The following NRP1 variants were observed in gnomAD, a reference collection of about 807,000 sequenced individuals.
NRP1 encodes the protein neuropilin 1.
Under a neutral mutation model 106.7 loss-of-function variants are expected in NRP1, and 35 were observed. The observed-to-expected ratio is 0.33, with a 90% CI of 0.25 to 0.43. NRP1 has a LOEUF of 0.43. NRP1 is among the 20% of genes least tolerant of loss of function. NRP1 has a pLI of 1.00. For missense variants in NRP1, 1,024 were observed against 1,170.4 expected, an observed-to-expected ratio of 0.87 and a Z score of 1.83; for synonymous variants, 437 against 417.9, an observed-to-expected ratio of 1.05 and a Z score of -0.56.
chr10:33,234,055 TC>T (rs1840370339), intron 6 of NRP1, among the ~76,000 whole-genome samples: 1 of 152,184 alleles, frequency 6.6e-6, no homozygotes, highest in Non-Finnish European at 1.5e-5. Flanking sequence ...GCTCCCTATC[TC>T]TTTCTGTGTT....
At chr10:33,230,376 G>C (rs1840013912) in intron 6 of NRP1, among the ~76,000 whole-genome samples, 1 of 152,200 alleles carries the variant, frequency 6.6e-6, no homozygotes, top group African/African-American at 2.4e-5. Context: ...ATTATTTCGA[G>C]TTGAAGGCAA....
intron 5 of NRP1, 88 bp downstream of exon 5, chr10:33,256,228 C>G (rs1588859096): frequency 7.4e-7 from 1 of 1,349,412 alleles, no homozygotes; most frequent in African/African-American, 1.4e-5. Context: ...CAAAACATTT[C>G]TTTAGTGCTT....
intron 2 of NRP1, among the ~76,000 whole-genome samples, chr10:33,295,232 A>G (rs1048206646): frequency 7.9e-5 from 12 of 152,308 alleles, no homozygotes; most frequent in Admixed American, 3.3e-4. Flanking sequence ...GTTCAAAAAT[A>G]AAACAGTGGT....
chr10:33,257,395 G>A (rs965020456), intron 4 of NRP1, among the ~76,000 whole-genome samples: 1 of 152,178 alleles, frequency 6.6e-6, no homozygotes, highest in Non-Finnish European at 1.5e-5. Context: ...CCAGCACTTT[G>A]GGAAGCTGAG....
chr10:33,282,207 T>G (rs1044040112), intron 2 of NRP1, among the ~76,000 whole-genome samples: 4 of 152,192 alleles, frequency 2.6e-5, no homozygotes, highest in African/African-American at 9.7e-5. Flanking sequence ...GCAGTTGGAT[T>G]AGTGCTATTA....
chr10:33,231,545 T>C (rs1471215601), intron 6 of NRP1, among the ~76,000 whole-genome samples: 1 of 152,206 alleles, frequency 6.6e-6, no homozygotes, highest in East Asian at 1.9e-4. Flanking sequence ...TTTTTCTACA[T>C]CATAATTTTT....
At chr10:33,331,294 G>A (rs530541009) in intron 1 of NRP1, among the ~76,000 whole-genome samples, 18 of 152,168 alleles carry the variant, frequency 1.2e-4, no homozygotes, top group Non-Finnish European at 1.9e-4. Context: ...GATGCTGTTC[G>A]ACCCCTTGTG....
In NRP1 at chr10:33,177,826, C is replaced by T. The variant is rs1000204366; in HGVS notation, c.*2250G>A. The stretch of plus-strand genomic sequence containing the variant: ...CATAAAGAAAAAATATGTTATTTTA[C>T]ACCTTTAAAAATTACAAAACAATCT... On this transcript the variant is annotated 3_prime_UTR_variant, in exon 17 of 17. Coordinates refer to ENST00000374867, the MANE Select transcript of NRP1 (RefSeq NM_003873.7). 6 of 152,500 alleles carry T rather than the reference C, an allele frequency of 3.9e-5. No homozygotes were observed. In the East Asian group the frequency reaches 9.6e-4, roughly 24 times the overall value. The allele number at this position is 152,500 out of a possible 1,614,324, so 9.4% of individuals were successfully genotyped here.
At chr10:33,296,170 GT>G (rs1845369677) in intron 2 of NRP1, among the ~76,000 whole-genome samples, 1 of 152,154 alleles carries the variant, frequency 6.6e-6, no homozygotes, top group African/African-American at 2.4e-5. Context: ...CCTTGGAAAT[GT>G]TTCCCTTTAA....
intron 2 of NRP1, among the ~76,000 whole-genome samples, chr10:33,309,605 C>T (rs984749612): frequency 1.3e-5 from 2 of 152,176 alleles, no homozygotes. Flanking sequence ...GTGAACAATG[C>T]TTCCGTTTTT....
intron 11 of NRP1, chr10:33,201,164 TCTGTGGTTTGTAACTCGCTG>T (rs1282083169): frequency 6.6e-6 from 1 of 152,244 alleles, no homozygotes; most frequent in Non-Finnish European, 1.5e-5. Flanking sequence ...TGACCCATTT[TCTGTGGTTTGTAACTCGCTG>T]CCATACACAA....
At chr10:33,314,740 C>G (rs1297469037) in intron 2 of NRP1, among the ~76,000 whole-genome samples, 2 of 152,162 alleles carry the variant, frequency 1.3e-5, no homozygotes, top group Non-Finnish European at 2.9e-5. Flanking sequence ...ACAAGCAGGC[C>G]TGGGCTAGTT....
chr10:33,200,576 T>C (rs747574735), intron 11 of NRP1, among the ~76,000 whole-genome samples: 4 of 152,224 alleles, frequency 2.6e-5, no homozygotes, highest in Non-Finnish European at 4.4e-5. Context: ...CCAATTTCCA[T>C]GTTCTACCTA....
At chr10:33,185,803 A>G (rs1470933065) in intron 14 of NRP1, 79 bp from the exon 15 acceptor site, 9 of 1,202,028 alleles carry the variant, frequency 7.5e-6, no homozygotes, top group Non-Finnish European at 9.8e-6. Context: ...GTTCAGCTCC[A>G]GCTACGGCAC....
At chr10:33,334,270 C>A in intron 1 of NRP1, 40 bp downstream of exon 1, 1 of 1,526,804 alleles carries the variant, frequency 6.5e-7, no homozygotes, top group Non-Finnish European at 8.8e-7. Flanking sequence ...AGCTGGGAGC[C>A]GGGGCGCCGC....
chr10:33,326,244 T>C (rs1435200962), intron 2 of NRP1, among the ~76,000 whole-genome samples: 2 of 152,224 alleles, frequency 1.3e-5, no homozygotes, highest in Non-Finnish European at 2.9e-5. Context: ...ATATAAACTT[T>C]TATGAGATTC....
intron 1 of NRP1, among the ~76,000 whole-genome samples, chr10:33,332,764 G>A (rs913093757): frequency 7.9e-5 from 12 of 152,166 alleles, no homozygotes; most frequent in African/African-American, 2.7e-4. Context: ...GAGTTACAGA[G>A]GCATTTTCTG....
chr10:33,214,499 C>T (rs965294661), intron 8 of NRP1, among the ~76,000 whole-genome samples: 1 of 152,150 alleles, frequency 6.6e-6, no homozygotes, highest in African/African-American at 2.4e-5. Flanking sequence ...AGCAACAGAA[C>T]TCTTGTTGCT....
intron 6 of NRP1, among the ~76,000 whole-genome samples, chr10:33,237,523 C>T (rs2133048839): frequency 6.7e-6 from 1 of 149,400 alleles, no homozygotes. Context: ...ACACAAATCC[C>T]ACCCAATTGC....
Sources: gnomAD v4.1 joint callset for allele counts (sites outside exome capture counted in the v4.1 genomes callset) on GRCh38, gnomAD v4.1.1 for gene constraint, MANE v1.5 for transcripts, NCBI Gene and HGNC (gene_info 2026-07-23, HGNC 2026-07-21) for gene names.